Variants in DENND4B observed in about 807,000 individuals in gnomAD.
DENND4B encodes the protein DENN domain-containing protein 4B.
Under a neutral mutation model 161.0 loss-of-function variants are expected in DENND4B, and 67 were observed. That is an observed-to-expected ratio of 0.42 (90% CI 0.34 to 0.51). The LOEUF (loss-of-function observed/expected upper bound fraction) is 0.51, where lower values mean the gene tolerates loss of function less well. Among genes scored for constraint, DENND4B ranks in the 20% least tolerant of loss-of-function variants. The probability of loss-of-function intolerance (pLI) is 0.08; values close to 1 mark genes in which losing one functional copy is unlikely to be tolerated. For synonymous variants in DENND4B, 753 were observed against 813.8 expected (o/e 0.93, Z 1.27); for missense variants, 1,481 against 1,968.0 (o/e 0.75, Z 4.68).
chr1:153,930,530 C>A lies in DENND4B; in HGVS notation c.4345+9G>T, dbSNP rs1231707357. Reference sequence around the variant, plus strand: ...CCTAAACTCCTCAGCCCCTTGCCTGCAATCTCACCTATGTCCACGTGGTCC... The same window carrying A: ...CCTAAACTCCTCAGCCCCTTGCCTGAAATCTCACCTATGTCCACGTGGTCC... On this transcript the variant is annotated intron_variant, in intron 27 of 27. Transcript: ENST00000361217. This position sits in a 1 kb window ranked among gnomAD's most constrained non-coding sequence, Gnocchi z 4.7. 1 of 1,614,046 alleles carries A rather than the reference C, an allele frequency of 6.2e-7. No homozygotes were observed. The highest frequency in any genetic ancestry group is 1.7e-5 in the Admixed American group (1 of 60,032).
At chr1:153,941,571 C>T in intron 6 of DENND4B, 131 bp from the exon 7 acceptor site, 1 of 1,201,370 alleles carries the variant, frequency 8.3e-7, no homozygotes, top group South Asian at 1.6e-5. Context: ...GACCTGTTAT[C>T]AGCCAACAGA....
chr1:153,932,413 C>T lies in DENND4B; in HGVS notation c.3787G>A (p.Ala1263Thr), dbSNP rs765609622. 3 of 1,612,230 alleles carry T rather than the reference C, an allele frequency of 1.9e-6. No individual in the cohort carries two copies. In the South Asian group the frequency reaches 3.3e-5, roughly 18 times the overall value. Residue 1263 changes from alanine to threonine, a missense_variant, in exon 24 of 28, where the codon GCA becomes ACA. Transcript: ENST00000361217. The surrounding 1 kb of genome is among the most constrained non-coding windows in gnomAD (Gnocchi z 5.8). ...ACCAGGGGGCTCAGGTATGCCCATG[C>T]CCCACTCTCAACCCGCCGGGAGGCT... Reference protein sequence around the residue: ...GGASRRVESGAWAYLSPLVLR... With the variant: ...GGASRRVESGTWAYLSPLVLR...
At chr1:153,931,889 C>T (rs952862603) in intron 24 of DENND4B, among the ~76,000 whole-genome samples, 11 of 151,682 alleles carry the variant, frequency 7.3e-5, no homozygotes, top group Non-Finnish European at 1.2e-4. Context: ...CCACAACCTC[C>T]GCCTCCCAGG....
rs565967059 is a variant in DENND4B at position 153,943,025 on chromosome 1, G to A, written c.423C>T (p.Pro141=). 4 of 1,613,926 alleles carry A rather than the reference G, an allele frequency of 2.5e-6. No homozygotes were observed. Among genetic ancestry groups the A allele is most frequent in the South Asian group, 2.2e-5 (2 of 91,092 alleles). ...CCCGCCGGTAAGTGAGGTAGGTGCG[G>A]GGGTGCCCGGGGCCTGGAGGGGCCA... The part of the protein sequence containing the change: ...ANLAPPGPGH[P]RTYLTYRRAA... The change falls in exon 3 of 28, where the codon CCC becomes CCT. Residue 141 remains proline, a synonymous_variant. Coordinates refer to ENST00000361217, the MANE Select transcript of DENND4B (RefSeq NM_014856.3).
Position 153,933,404 on chromosome 1 carries a change from T to C in DENND4B, c.3330+79A>G. 6.2e-7 allele frequency: 1 copy of C among 1,606,186 alleles called. No individual in the cohort carries two copies. The stretch of plus-strand genomic sequence containing the variant: ...GTTTCAAGCACCCCTCAGAGCCCCC[T>C]TTTTGAGCATTCTTCCAGTCGTAGC... On this transcript the variant is annotated intron_variant, in intron 20 of 27. Coordinates refer to ENST00000361217, the MANE Select transcript of DENND4B (RefSeq NM_014856.3). The surrounding 1 kb of genome is among the most constrained non-coding windows in gnomAD (Gnocchi z 5.7).
rs567105400 is a variant in DENND4B, at chr1:153,942,946, G to A, written c.502C>T (p.Leu168=). The A allele has an allele frequency of 1.9e-6, 3 of 1,613,628 alleles. No homozygotes were observed. The highest frequency in any genetic ancestry group is 2.2e-5 in the East Asian group (1 of 44,876). Residue 168 remains leucine, a synonymous_variant, in exon 3 of 28, where the codon CTG becomes TTG. Transcript: ENST00000361217. This position sits in a 1 kb window ranked among gnomAD's most constrained non-coding sequence, Gnocchi z 6.9. ...GGAGTGCCCTCGCCCTTACTGGGCA[G>A]CACCAGGCAGAGGTCAGTGATGCCC... is the stretch of plus-strand genomic sequence containing the variant. ...ALGITDLCLV[L]PSKGEGTPHT... is the part of the protein sequence containing the mutation.
chr1:153,943,924 C>T (rs1160572124), intron 2 of DENND4B, 134 bp downstream of exon 2: 4 of 980,652 alleles, frequency 4.1e-6, no homozygotes, highest in African/African-American at 1.7e-5. Context: ...CAACTTCAGT[C>T]CTTCCTTCCT....
At chr1:153,931,093 T>C (rs1678894773) in intron 24 of DENND4B, 29 bp from the exon 25 acceptor site, 1 of 1,563,852 alleles carries the variant, frequency 6.4e-7, no homozygotes, top group African/African-American at 1.4e-5. Context: ...TGGAGACAGT[T>C]AGGCTCAACG....
At position 153,937,816 on chromosome 1, in the gene DENND4B, T is replaced by C; in HGVS notation, c.2013A>G (p.Leu671=). ...EKPEPTPLVE[L]EELSGSELTV... is the part of the protein sequence containing the mutation. ...TGAGCTCACTTCCTGACAGCTCCTC[T>C]AGCTCCACTAAGGGTGTCGGCTCAG... The change falls in exon 14 of 28, where the codon CTA becomes CTG. Residue 671 remains leucine, a synonymous_variant. Coordinates refer to ENST00000361217, the MANE Select transcript of DENND4B (RefSeq NM_014856.3). This position sits in a 1 kb window ranked among gnomAD's most constrained non-coding sequence, Gnocchi z 4.7. 6.2e-7 allele frequency: 1 copy of C among 1,613,962 alleles called. No individual in the cohort carries two copies.
chr1:153,942,349 C>T lies in DENND4B; in HGVS notation c.648G>A (p.Leu216=), dbSNP rs368232757. The change falls in exon 5 of 28, where the codon CTG becomes CTA. Residue 216 remains leucine (L), a synonymous_variant. Coordinates refer to ENST00000361217, the MANE Select transcript of DENND4B (RefSeq NM_014856.3). This position sits in a 1 kb window ranked among gnomAD's most constrained non-coding sequence, Gnocchi z 6.9. ...ANTLVYEAEL[L]GRYPEEDNEA... ...CATTGTCCTCCTCCGGGTAGCGGCC[C>T]AGCAGCTCTGCACCCCCAGCATAGT... 6.2e-7 allele frequency: 1 copy of T among 1,611,188 alleles called. No individual in the cohort carries two copies. The highest frequency in any genetic ancestry group is 1.3e-5 in the African/African-American group (1 of 74,908).
chr1:153,932,733 G>A lies in DENND4B; in HGVS notation c.3668C>T (p.Ala1223Val). ...KSAGASGSKD[A>V]PVPGGPGPVL... Reference sequence around the variant, plus strand: ...AGGGCCAGGACCACCAGGGACAGGAGCATCTTTGCTGCCACTGGCACCAGC... The same window carrying A: ...AGGGCCAGGACCACCAGGGACAGGAACATCTTTGCTGCCACTGGCACCAGC... The change falls in exon 23 of 28, where the codon GCT (alanine) becomes GTT (valine). Residue 1223 changes from alanine to valine, a missense_variant. Ala to Val is a moderately conservative substitution (Grantham distance 64). This residue lies in a region of DENND4B where 336 missense variants were observed against 503.3 expected (regional missense o/e 0.67). Transcript: ENST00000361217. This position sits in a 1 kb window ranked among gnomAD's most constrained non-coding sequence, Gnocchi z 5.8. The A allele has an allele frequency of 6.2e-7, 1 of 1,614,062 alleles. No homozygotes were observed. Among genetic ancestry groups the A allele is most frequent in the Non-Finnish European group, 8.5e-7 (1 of 1,179,906 alleles).
rs556463250 is a variant in DENND4B at position 153,944,312 on chromosome 1, G to A, written c.63C>T (p.Asn21=). The change falls in exon 2 of 28, where the codon AAC becomes AAT. Residue 21 remains asparagine (N), a synonymous_variant. Coordinates refer to ENST00000361217, the MANE Select transcript of DENND4B (RefSeq NM_014856.3). The surrounding 1 kb of genome is among the most constrained non-coding windows in gnomAD (Gnocchi z 4.8). ...DYFVVAGLAG[N]GAPIPEETWV... ...ACGTTTCCTCAGGGATGGGTGCTCC[G>A]TTCCCTGCAAGCCCAGCTACCACGA... 1.4e-5 allele frequency: 22 copies of A among 1,607,686 alleles called. No homozygotes were observed. The African/African-American group carries it at 1.5e-4, about 11-fold the overall frequency.
rs375215200 is a variant in DENND4B at position 153,933,253 on chromosome 1, G to A, written c.3397C>T (p.Arg1133Cys). 6.8e-6 allele frequency: 11 copies of A among 1,613,126 alleles called. No homozygotes were observed. Among genetic ancestry groups the A allele is most frequent in the Admixed American group, 1.7e-5 (1 of 59,880 alleles). The change falls in exon 21 of 28, where the codon CGT (arginine) becomes TGT (cysteine). Residue 1133 changes from arginine to cysteine, a missense_variant. Physicochemically the swap from Arg to Cys is radical, Grantham distance 180 (BLOSUM62 -3). This residue lies in a region of DENND4B where 336 missense variants were observed against 503.3 expected (regional missense o/e 0.67). Coordinates refer to ENST00000361217, the MANE Select transcript of DENND4B (RefSeq NM_014856.3). The surrounding 1 kb of genome is among the most constrained non-coding windows in gnomAD (Gnocchi z 5.7). ...ESSLSNLSLR[R>C]SSERLSDTPG... ...GTGTCACTGAGGCGCTCTGAGGAAC[G>A]GCGAAGACTCAGGTTGCTGAGAGAA...
In DENND4B at chr1:153,944,360, C is replaced by A; in HGVS notation, c.15G>T (p.Arg5=). The part of the protein sequence containing the change: MAEE[R]PPRLVDYFVV... ...CGAAGTAATCCACCAGCCGGGGGGG[C>A]CGCTCCTCCGCCATGGCCCCCCCCT... Residue 5 remains arginine, a synonymous_variant, in exon 2 of 28, where the codon CGG becomes CGT. Transcript: ENST00000361217. This position sits in a 1 kb window ranked among gnomAD's most constrained non-coding sequence, Gnocchi z 4.8. The A allele has an allele frequency of 6.2e-7, 1 of 1,605,154 alleles. No homozygotes were observed. The highest frequency in any genetic ancestry group is 8.5e-7 in the Non-Finnish European group (1 of 1,176,188).
In DENND4B at chr1:153,937,578, A is replaced by AAG. The variant is rs1679422885; in HGVS notation, c.2141_2142insCT (p.Glu715LeufsTer33). 1 of 1,613,512 alleles carries AAG rather than the reference A, an allele frequency of 6.2e-7. No homozygotes were observed. Among genetic ancestry groups the AAG allele is most frequent in the Non-Finnish European group, 8.5e-7 (1 of 1,179,712 alleles). On this transcript the variant is annotated frameshift_variant, in exon 15 of 28. Transcript: ENST00000361217. LOFTEE classifies it high-confidence loss of function. This position sits in a 1 kb window ranked among gnomAD's most constrained non-coding sequence, Gnocchi z 4.7. ...CCCCAGGTTGCTCTTGAAGAGACTCAAACAACTCAGCCCGTAGCTCTGGGA... is the reference window on the plus strand; with the variant it reads ...CCCCAGGTTGCTCTTGAAGAGACTCAAGAACAACTCAGCCCGTAGCTCTGGGA...
chr1:153,941,122 C>T, intron 8 of DENND4B, 74 bp from the exon 9 acceptor site: 1 of 1,565,494 alleles, frequency 6.4e-7, no homozygotes, highest in South Asian at 1.2e-5. Flanking sequence ...CCAGGCACAG[C>T]CACCACCTGG....
chr1:153,944,020 C>T lies in DENND4B; in HGVS notation c.317+38G>A, dbSNP rs1358308710. On this transcript the variant is annotated intron_variant, in intron 2 of 27. Transcript: ENST00000361217. This position sits in a 1 kb window ranked among gnomAD's most constrained non-coding sequence, Gnocchi z 4.8. Reference sequence around the variant, plus strand: ...CTCCCTGTCTCACTGGAGTCCCTCCCAGCCTCCCCTGGTGCCAGCATGGGT... The same window carrying T: ...CTCCCTGTCTCACTGGAGTCCCTCCTAGCCTCCCCTGGTGCCAGCATGGGT... 1.3e-6 allele frequency: 2 copies of T among 1,509,660 alleles called. No homozygotes were observed. Among genetic ancestry groups the T allele is most frequent in the African/African-American group, 1.4e-5 (1 of 71,666 alleles). The allele number at this position is 1,509,660 out of a possible 1,614,324, so 93.5% of individuals were successfully genotyped here.
At position 153,933,887 on chromosome 1, in the gene DENND4B, G is replaced by A. The variant is rs1474565501; in HGVS notation, c.2942-16C>T. 3.8e-6 allele frequency: 6 copies of A among 1,599,576 alleles called. No individual in the cohort carries two copies. Among genetic ancestry groups the A allele is most frequent in the Non-Finnish European group, 5.1e-6 (6 of 1,176,250 alleles). On this transcript the variant is annotated splice_polypyrimidine_tract_variant and intron_variant, in intron 19 of 27. Transcript: ENST00000361217. The surrounding 1 kb of genome is among the most constrained non-coding windows in gnomAD (Gnocchi z 5.7). ...GCCTCTATCACTGCAGCACAGAAAA[G>A]AATGAGGGAAGATGGACCCCAGCCT...
chr1:153,930,019 A>C lies in DENND4B; in HGVS notation c.*278T>G. On this transcript the variant is annotated 3_prime_UTR_variant, in exon 28 of 28. Coordinates refer to ENST00000361217, the MANE Select transcript of DENND4B (RefSeq NM_014856.3). This position sits in a 1 kb window ranked among gnomAD's most constrained non-coding sequence, Gnocchi z 4.7. ...CAGATCTGTGGGTACCCTGGAGGGG[A>C]GTTCCCGGTATAGGACAAGGGAAGA... 1 of 441,132 alleles carries C rather than the reference A, an allele frequency of 2.3e-6. No homozygotes were observed. Among genetic ancestry groups the C allele is most frequent in the African/African-American group, 2.0e-5 (1 of 50,534 alleles). The allele number at this position is 441,132 out of a possible 1,614,324, so 27.3% of individuals were successfully genotyped here. A position where few individuals can be genotyped will look rare whatever the true frequency, so the allele number is the denominator to read the frequency against.
Sources: gnomAD v4.1 joint callset for allele counts (sites outside exome capture counted in the v4.1 genomes callset) on GRCh38, gnomAD v4.1.1 for gene constraint, gnomAD v4.1.1 regional missense constraint, Gnocchi (gnomAD v3.1) non-coding constraint, MANE v1.5 for transcripts, NCBI Gene and HGNC (gene_info 2026-07-23, HGNC 2026-07-21) for gene names.